Variants in DENND5B observed in about 807,000 individuals in gnomAD.
DENND5B encodes the protein DENN domain containing 5B.
DENND5B carries 34 observed loss-of-function variants against 140.6 expected under a neutral mutation model. The ratio of observed to expected loss-of-function variants is 0.24; its 90% CI spans 0.18 to 0.32. DENND5B has a LOEUF of 0.32. Among genes scored for constraint, DENND5B ranks in the 10% least tolerant of loss-of-function variants. The pLI is 1.00. For synonymous variants in DENND5B, 551 were observed against 562.1 expected (o/e 0.98, Z 0.28); for missense variants, 1,142 against 1,560.2 (o/e 0.73, Z 4.52).
At chr12:31,449,672 C>T (rs974751491) in intron 5 of DENND5B, among the ~76,000 whole-genome samples, 2 of 149,958 alleles carry the variant, frequency 1.3e-5, no homozygotes, top group African/African-American at 4.9e-5. Context: ...AGTATCAGGG[C>T]TTGATTTAGG....
chr12:31,401,753 C>T (rs184718315), intron 15 of DENND5B, among the ~76,000 whole-genome samples: 9 of 152,190 alleles, frequency 5.9e-5, no homozygotes, highest in Admixed American at 3.9e-4. Context: ...CTTGCAAGTA[C>T]CCAGACTACA....
rs747166398 is a variant in DENND5B, at chr12:31,535,073, C to CAAA, written c.128-39157_128-39155dup. 8.7e-4 allele frequency: 83 copies of CAAA among 95,932 alleles called. 1 individual carries two copies. The highest frequency in any genetic ancestry group is 9.7e-4 in the Non-Finnish European group (59 of 60,890). The allele number at this position is 95,932 out of a possible 1,614,324, so 5.9% of individuals were successfully genotyped here. ...TGGGTGACAGAGCAAGACTCTGTCTCAAAAAAAAAAAAAAAAAAAAAAAAA... is the reference window on the plus strand; with the variant it reads ...TGGGTGACAGAGCAAGACTCTGTCTCAAAAAAAAAAAAAAAAAAAAAAAAAAAA... On this transcript the variant is annotated intron_variant, in intron 1 of 20. Coordinates refer to ENST00000389082, the MANE Select transcript of DENND5B (RefSeq NM_144973.4).
rs753166630 is a variant in DENND5B at position 31,480,018 on chromosome 12, C to A, written c.475G>T (p.Ala159Ser). ...ASSSCSMDSL[A>S]SSLDEGDTTS... ...GTATCTCCTTCATCAAGACTACTTG[C>A]CAATGAGTCCATACTGCAGGAAGAT... The change falls in exon 3 of 21, where the codon GCA becomes TCA. Residue 159 changes from alanine (A) to serine (S), a missense_variant. By Grantham distance (99) the Ala-to-Ser change is moderately conservative. Around this residue, in one of 5 missense-constraint regions of DENND5B, gnomAD observed 708 missense variants for 905.5 expected, o/e 0.78. Coordinates refer to ENST00000389082, the MANE Select transcript of DENND5B (RefSeq NM_144973.4). The A allele has an allele frequency of 1.9e-6, 3 of 1,613,868 alleles. No homozygotes were observed. Among genetic ancestry groups the A allele is most frequent in the Non-Finnish European group, 2.5e-6 (3 of 1,179,886 alleles).
At chr12:31,412,053 A>T (rs1183298016) in intron 13 of DENND5B, among the ~76,000 whole-genome samples, 2 of 152,082 alleles carry the variant, frequency 1.3e-5, no homozygotes, top group Non-Finnish European at 2.9e-5. Flanking sequence ...GGCTCAAATG[A>T]TTCTCCTGAT....
chr12:31,457,807 G>A (rs1170110429), intron 4 of DENND5B, among the ~76,000 whole-genome samples: 4 of 151,640 alleles, frequency 2.6e-5, no homozygotes, highest in African/African-American at 9.7e-5. Flanking sequence ...TCCGCCTCCC[G>A]GGTTCATGCC....
At chr12:31,429,635 C>T (rs1321168910) in intron 8 of DENND5B, among the ~76,000 whole-genome samples, 1 of 151,508 alleles carries the variant, frequency 6.6e-6, no homozygotes, top group African/African-American at 2.4e-5. Flanking sequence ...TCTCAAATTC[C>T]TGACCTCAAG....
intron 3 of DENND5B, among the ~76,000 whole-genome samples, chr12:31,476,185 G>GTT (rs34866787): frequency 0.021 from 3,135 of 148,862 alleles, 113 homozygotes; most frequent in African/African-American, 0.072. Flanking sequence ...AGCTTTTGGA[G>GTT]TTTTTTTTTG....
At chr12:31,504,465 A>G (rs755710598) in intron 1 of DENND5B, among the ~76,000 whole-genome samples, 10 of 152,210 alleles carry the variant, frequency 6.6e-5, no homozygotes, top group Non-Finnish European at 1.3e-4. Context: ...CCCCATCCCC[A>G]GCTCAAAGTT....
intron 3 of DENND5B, among the ~76,000 whole-genome samples, chr12:31,462,416 A>G (rs1284271075): frequency 6.6e-6 from 1 of 152,052 alleles, no homozygotes; most frequent in Non-Finnish European, 1.5e-5. Context: ...GGCCCCTAGA[A>G]GTAGAAACTG....
chr12:31,548,435 C>G (rs1253477666), intron 1 of DENND5B, among the ~76,000 whole-genome samples: 1 of 152,022 alleles, frequency 6.6e-6, no homozygotes, highest in African/African-American at 2.4e-5. Context: ...AAGCGACTCT[C>G]TCACCAGAAG....
chr12:31,470,357 A>G (rs10843955), intron 3 of DENND5B, among the ~76,000 whole-genome samples: 84,335 of 151,490 alleles, frequency 0.56, 23,941 homozygotes, highest in East Asian at 0.82. Context: ...CAGGTGATCC[A>G]CCCACCTCGG....
intron 1 of DENND5B, among the ~76,000 whole-genome samples, chr12:31,579,936 G>C (rs2139465646): frequency 6.6e-6 from 1 of 151,588 alleles, no homozygotes. Context: ...GCATTGTAAA[G>C]CACAATAGGA....
chr12:31,577,583 C>T (rs55635343), intron 1 of DENND5B, among the ~76,000 whole-genome samples: 20,285 of 151,030 alleles, frequency 0.13, 1,599 homozygotes, highest in Non-Finnish European at 0.18. Context: ...TGGTGGCGGG[C>T]GCCTGTAGTC....
At chr12:31,579,037 A>G (rs1950118055) in intron 1 of DENND5B, among the ~76,000 whole-genome samples, 1 of 152,256 alleles carries the variant, frequency 6.6e-6, no homozygotes, top group African/African-American at 2.4e-5. Flanking sequence ...TAATAATGCT[A>G]GCACATATCT....
At chr12:31,523,607 C>CAAA (rs201384267) in intron 1 of DENND5B, among the ~76,000 whole-genome samples, 3 of 139,422 alleles carry the variant, frequency 2.2e-5, no homozygotes, top group African/African-American at 7.9e-5. Flanking sequence ...TGCTTTTCCT[C>CAAA]AAAAAAAAAA....
intron 3 of DENND5B, among the ~76,000 whole-genome samples, chr12:31,469,968 G>C (rs1945467206): frequency 6.6e-6 from 1 of 151,886 alleles, no homozygotes; most frequent in African/African-American, 2.4e-5. Context: ...ATTTTTCTTT[G>C]AGACAGGGTC....
intron 15 of DENND5B, among the ~76,000 whole-genome samples, chr12:31,400,543 G>C (rs936026109): frequency 6.6e-6 from 1 of 152,168 alleles, no homozygotes; most frequent in Admixed American, 6.5e-5. Context: ...CATCAGAATT[G>C]TAAGTTCTTT....
intron 1 of DENND5B, among the ~76,000 whole-genome samples, chr12:31,498,969 T>A (rs1261772240): frequency 1.7e-4 from 14 of 81,256 alleles, no homozygotes; most frequent in African/African-American, 8.5e-4. Context: ...TAAGGCTCCG[T>A]CTCAAAAAAA....
intron 5 of DENND5B, among the ~76,000 whole-genome samples, chr12:31,448,279 C>T (rs189265584): frequency 2.0e-5 from 3 of 152,194 alleles, no homozygotes; most frequent in South Asian, 2.1e-4. Flanking sequence ...GGACTACAGG[C>T]GCCTGCCACC....
Sources: allele counts gnomAD v4.1 joint callset (sites outside exome capture counted in the v4.1 genomes callset), GRCh38; gene constraint gnomAD v4.1.1; regional missense constraint gnomAD v4.1.1; transcripts MANE v1.5; gene names NCBI Gene and HGNC (gene_info 2026-07-23, HGNC 2026-07-21).